The following SPTBN4 variants were observed in gnomAD, a reference collection of about 807,000 sequenced individuals.
The protein encoded by SPTBN4 is spectrin beta chain, non-erythrocytic 4.
A neutral mutation model predicts 277.8 loss-of-function variants in SPTBN4; 96 were observed. That is an observed-to-expected ratio of 0.35 (90% CI 0.29 to 0.41). SPTBN4 has a LOEUF of 0.41. Ranked by LOEUF, SPTBN4 falls within the 10% of genes least tolerant of loss-of-function variation. The probability of loss-of-function intolerance (pLI) is 1.00; values close to 1 mark genes in which losing one functional copy is unlikely to be tolerated. For synonymous variants in SPTBN4, 1,481 were observed against 1,580.3 expected, an observed-to-expected ratio of 0.94 and a Z score of 1.49; for missense variants, 3,006 against 3,595.7, an observed-to-expected ratio of 0.84 and a Z score of 4.19.
At chr19:40,574,642 A>T (rs1776118682) in intron 35 of SPTBN4, among the ~76,000 whole-genome samples, 1 of 152,106 alleles carries the variant, frequency 6.6e-6, no homozygotes, top group East Asian at 1.9e-4. Flanking sequence ...GATTACAGGC[A>T]TGAGCCACCA....
At chr19:40,491,449 T>C (rs575077297) in intron 4 of SPTBN4, among the ~76,000 whole-genome samples, 163 of 152,054 alleles carry the variant, frequency 1.1e-3, no homozygotes, top group African/African-American at 3.8e-3. Context: ...TTTAGAAAGA[T>C]AGATCCCTTT....
chr19:40,520,148 C>T lies in SPTBN4; in HGVS notation c.3651C>T (p.Asn1217=). 1 of 1,422,468 alleles carries T rather than the reference C, an allele frequency of 7.0e-7. No individual in the cohort carries two copies. The highest frequency in any genetic ancestry group is 9.2e-7 in the Non-Finnish European group (1 of 1,088,232). The allele number at this position is 1,422,468 out of a possible 1,614,324, so 88.1% of individuals were successfully genotyped here. Residue 1217 remains asparagine, a synonymous_variant, in exon 16 of 36, where the codon AAC becomes AAT. Coordinates refer to ENST00000598249, the MANE Select transcript of SPTBN4 (RefSeq NM_020971.3). ...GCCAGGCGCTCGTGGTGCTGCGTAACCAGGTGCCCACTCGGGGTGTACATT... is the reference window on the plus strand; with the variant it reads ...GCCAGGCGCTCGTGGTGCTGCGTAATCAGGTGCCCACTCGGGGTGTACATT... The part of the protein sequence containing the change: ...DLRQALVVLR[N]QEMALSGAEL...
chr19:40,551,030 G>C (rs146879495), intron 22 of SPTBN4, among the ~76,000 whole-genome samples: 2,559 of 152,252 alleles, frequency 0.017, 31 homozygotes, highest in Non-Finnish European at 0.028. Flanking sequence ...ATGATGGATG[G>C]GGTTTCGGAC....
At position 40,515,946 on chromosome 19, in the gene SPTBN4, T is replaced by C. The variant is rs910325611; in HGVS notation, c.2903+498T>C. On this transcript the variant is annotated intron_variant, in intron 15 of 35. Coordinates refer to ENST00000598249, the MANE Select transcript of SPTBN4 (RefSeq NM_020971.3). The surrounding 1 kb of genome is among the most constrained non-coding windows in gnomAD (Gnocchi z 4.1). Reference sequence around the variant, plus strand: ...ATATATATACACACATATATACGTATATATACACATATATACGTATATATA... The same window carrying C: ...ATATATATACACACATATATACGTACATATACACATATATACGTATATATA... 1.3e-5 allele frequency among the ~76,000 whole-genome samples: 1 copy of C among 76,428 alleles called. No homozygotes were observed. The highest frequency in any genetic ancestry group is 2.7e-4 in the East Asian group (1 of 3,770). 50.1% of individuals were successfully genotyped at this position (76,428 alleles called of 152,430 possible).
intron 28 of SPTBN4, 25 bp from the exon 29 acceptor site, chr19:40,565,634 TCC>T: frequency 6.4e-7 from 1 of 1,555,134 alleles, no homozygotes; most frequent in Non-Finnish European, 8.7e-7. Context: ...CACCCTGACT[TCC>T]CTCCCACCCA....
intron 13 of SPTBN4, among the ~76,000 whole-genome samples, chr19:40,510,872 C>G (rs2080382911): frequency 6.6e-6 from 1 of 152,040 alleles, no homozygotes; most frequent in Non-Finnish European, 1.5e-5. Context: ...AAAAAATTAG[C>G]CAGGCATGGT....
intron 20 of SPTBN4, among the ~76,000 whole-genome samples, chr19:40,546,863 A>T (rs1464309619): frequency 6.6e-6 from 1 of 152,094 alleles, no homozygotes; most frequent in Non-Finnish European, 1.5e-5. Context: ...CACACACACA[A>T]ATCAAGAGAG....
In SPTBN4 at chr19:40,493,060, C is replaced by T. The variant is rs778444111; in HGVS notation, c.587+6C>T. The T allele has an allele frequency of 5.6e-6, 9 of 1,613,750 alleles. 1 individual carries two copies. In the South Asian group the frequency reaches 7.7e-5, roughly 14 times the overall value. The stretch of plus-strand genomic sequence containing the variant: ...TGTCAGATGAAGACAGCTGGGTAAG[C>T]ACCCCCACCACCTTCCTTAGGAGGT... On this transcript the variant is annotated splice_donor_region_variant and intron_variant, in intron 5 of 35. Transcript: ENST00000598249.
intron 18 of SPTBN4, chr19:40,530,572 A>C: frequency 8.2e-6 from 8 of 979,642 alleles, no homozygotes; most frequent in Non-Finnish European, 9.7e-6. Flanking sequence ...ACGCCCCGCC[A>C]ACGCCACTGC....
intron 2 of SPTBN4, among the ~76,000 whole-genome samples, chr19:40,483,616 TTTAGA>T (rs1174358777): frequency 6.6e-6 from 1 of 152,136 alleles, no homozygotes; most frequent in East Asian, 1.9e-4. Flanking sequence ...TTTTGTGCTG[TTTAGA>T]TAAGATGGGA....
Position 40,534,310 on chromosome 19 carries a change from G to A in SPTBN4, c.4326G>A (p.Leu1442=). The A allele has an allele frequency of 6.2e-7, 1 of 1,613,868 alleles. No homozygotes were observed. Among genetic ancestry groups the A allele is most frequent in the South Asian group, 1.1e-5 (1 of 91,068 alleles). Residue 1442 remains leucine (L), a synonymous_variant, in exon 20 of 36, where the codon CTG becomes CTA. Coordinates refer to ENST00000598249, the MANE Select transcript of SPTBN4 (RefSeq NM_020971.3). ...QLQDVDPGGD[L]ATVNSQLKKL... ...AAGACGTGGACCCTGGAGGAGACCTGGCCACTGTCAACAGTCAGCTCAAGA... is the reference window on the plus strand; with the variant it reads ...AAGACGTGGACCCTGGAGGAGACCTAGCCACTGTCAACAGTCAGCTCAAGA...
intron 1 of SPTBN4, among the ~76,000 whole-genome samples, chr19:40,471,905 A>ATTTTT (rs34333509): frequency 9.1e-6 from 1 of 109,386 alleles, no homozygotes; most frequent in Non-Finnish European, 1.9e-5. Context: ...ACATCCAGCT[A>ATTTTT]TTTTTTTTTT....
Position 40,472,778 on chromosome 19 carries a change from A to C in SPTBN4, c.157A>C (p.Lys53Gln). ...AASLFECSRI[K>Q]ALADEREAVQ... ...CTCGCTCTTTGAGTGCTCCCGGATCAAGGCCTTGGCAGGTACCTGGAGGAG... is the reference window on the plus strand; with the variant it reads ...CTCGCTCTTTGAGTGCTCCCGGATCCAGGCCTTGGCAGGTACCTGGAGGAG... The change falls in exon 2 of 36, where the codon AAG becomes CAG. Residue 53 changes from lysine (K) to glutamine (Q), a missense_variant. This residue lies in a region of SPTBN4 where 114 missense variants were observed against 196.1 expected (regional missense o/e 0.58). Coordinates refer to ENST00000598249, the MANE Select transcript of SPTBN4 (RefSeq NM_020971.3). 6.4e-7 allele frequency: 1 copy of C among 1,574,480 alleles called. No homozygotes were observed. The highest frequency in any genetic ancestry group is 8.6e-7 in the Non-Finnish European group (1 of 1,157,712).
intron 20 of SPTBN4, among the ~76,000 whole-genome samples, chr19:40,540,814 CAAAAAAAAAAAA>C (rs58695945): frequency 5.0e-5 from 4 of 79,322 alleles, no homozygotes; most frequent in Non-Finnish European, 9.2e-5. Flanking sequence ...ACCCCCATCT[CAAAAAAAAAAAA>C]AAAAAAAAAA....
intron 27 of SPTBN4, among the ~76,000 whole-genome samples, chr19:40,564,958 T>C (rs2081076543): frequency 6.6e-6 from 1 of 151,990 alleles, no homozygotes; most frequent in African/African-American, 2.4e-5. Context: ...CCCTCAGAAT[T>C]TGGTCATCGA....
intron 20 of SPTBN4, among the ~76,000 whole-genome samples, chr19:40,537,928 G>A (rs2080756736): frequency 6.6e-6 from 1 of 152,230 alleles, no homozygotes; most frequent in African/African-American, 2.4e-5. Context: ...TGAGTTTCTT[G>A]ACAAAGGTGT....
chr19:40,541,875 A>G lies in SPTBN4; in HGVS notation c.4360-7314A>G, dbSNP rs1009052158. Among the ~76,000 whole-genome samples the G allele has an allele frequency of 1.1e-4, 17 of 151,022 alleles. No individual in the cohort carries two copies. The East Asian group carries it at 3.1e-3, about 28-fold the overall frequency. On this transcript the variant is annotated intron_variant, in intron 20 of 35. Coordinates refer to ENST00000598249, the MANE Select transcript of SPTBN4 (RefSeq NM_020971.3). ...TTCCCCAGCCTCCCCAGTAGCTGGG[A>G]TTACAGGCACCCGCCACCATGCCTG...
In SPTBN4 at chr19:40,549,397, A is replaced by T; in HGVS notation, c.4568A>T (p.Asp1523Val). The change falls in exon 21 of 36, where the codon GAC (aspartate) becomes GTC (valine). Residue 1523 changes from aspartate to valine, a missense_variant. Physicochemically the swap from Asp to Val is radical, Grantham distance 152. Coordinates refer to ENST00000598249, the MANE Select transcript of SPTBN4 (RefSeq NM_020971.3). ...AAGGAGTTGCACCAGGTGGCGCACGACCTGGACGACGAGCTGGTGAGGCCA... is the reference window on the plus strand; with the variant it reads ...AAGGAGTTGCACCAGGTGGCGCACGTCCTGGACGACGAGCTGGTGAGGCCA... ...ASKELHQVAH[D>V]LDDELAWVQE... 1 of 1,253,868 alleles carries T rather than the reference A, an allele frequency of 8.0e-7. No individual in the cohort carries two copies. Among genetic ancestry groups the T allele is most frequent in the Admixed American group, 2.7e-5 (1 of 37,194 alleles). 77.7% of individuals were successfully genotyped at this position (1,253,868 alleles called of 1,614,324 possible).
In SPTBN4 at chr19:40,511,612, G is replaced by C. The variant is rs565465908; in HGVS notation, c.1817-994G>C. On this transcript the variant is annotated intron_variant, in intron 13 of 35. Transcript: ENST00000598249. ...AAGGTGAACTATTTAAGGAAAAAGA[G>C]GGAGTTCGGGGTTAAGCACAGTGGC... 2.0e-5 allele frequency among the ~76,000 whole-genome samples: 3 copies of C among 152,294 alleles called. No homozygotes were observed. In the South Asian group the frequency reaches 6.2e-4, roughly 32 times the overall value.
Sources: gnomAD v4.1 joint callset for allele counts (sites outside exome capture counted in the v4.1 genomes callset) on GRCh38, gnomAD v4.1.1 for gene constraint, gnomAD v4.1.1 regional missense constraint, Gnocchi (gnomAD v3.1) non-coding constraint, MANE v1.5 for transcripts, NCBI Gene and HGNC (gene_info 2026-07-23, HGNC 2026-07-21) for gene names.